GRID2: variants seen among roughly 807,000 people sequenced by gnomAD.
The protein encoded by GRID2 is glutamate ionotropic receptor delta type subunit 2.
A neutral mutation model predicts 114.8 loss-of-function variants in GRID2; 33 were observed. The ratio of observed to expected loss-of-function variants is 0.29; its 90% CI spans 0.22 to 0.38. GRID2 has a LOEUF of 0.38. GRID2 is among the 10% of genes least tolerant of loss of function. GRID2 has a pLI of 1.00. For missense variants in GRID2, 1,184 were observed against 1,257.7 expected (o/e 0.94, Z 0.89); for synonymous variants, 505 against 449.9 (o/e 1.12, Z -1.55).
In GRID2 at chr4:92,921,455, G is replaced by GT. The variant is rs145485030; in HGVS notation, c.245-163534dup. On this transcript the variant is annotated intron_variant, in intron 2 of 15. Transcript: ENST00000282020. ...TTTTAGAGTTTCCAGTTTTTCTGCT[G>GT]TTTTTTCCTCATCTTTGTGGTTTTA... 4.8e-3 allele frequency among the ~76,000 whole-genome samples: 734 copies of GT among 151,678 alleles called. 7 individuals carry two copies. The highest frequency in any genetic ancestry group is 8.0e-3 in the Non-Finnish European group (540 of 67,858).
intron 2 of GRID2, among the ~76,000 whole-genome samples, chr4:92,948,170 A>G (rs1164153105): frequency 6.6e-6 from 1 of 151,938 alleles, no homozygotes; most frequent in Admixed American, 6.6e-5. Context: ...TGCTTGTTAC[A>G]TAAATAGTCT....
intron 2 of GRID2, among the ~76,000 whole-genome samples, chr4:92,873,903 G>A (rs534384725): frequency 2.6e-5 from 4 of 152,012 alleles, no homozygotes; most frequent in Admixed American, 6.6e-5. Flanking sequence ...TAGTAGAGAC[G>A]GGGTTTCACC....
chr4:93,570,048 A>T (rs1278012979), intron 13 of GRID2, among the ~76,000 whole-genome samples: 1 of 152,214 alleles, frequency 6.6e-6, no homozygotes, highest in Non-Finnish European at 1.5e-5. Context: ...GGACCTTGTG[A>T]AATGTATCAT....
chr4:92,827,934 A>C (rs1198897754), intron 2 of GRID2, among the ~76,000 whole-genome samples: 1 of 152,086 alleles, frequency 6.6e-6, no homozygotes, highest in Non-Finnish European at 1.5e-5. Flanking sequence ...CAATTTTGAT[A>C]GTTAACTTGA....
chr4:92,571,608 T>A (rs1224679059), intron 1 of GRID2, among the ~76,000 whole-genome samples: 1 of 152,088 alleles, frequency 6.6e-6, no homozygotes, highest in Non-Finnish European at 1.5e-5. Flanking sequence ...CCGCACTTAT[T>A]CCAAAATTGA....
intron 8 of GRID2, among the ~76,000 whole-genome samples, chr4:93,275,451 C>T (rs1263528776): frequency 1.4e-5 from 2 of 141,574 alleles, no homozygotes; most frequent in Non-Finnish European, 1.5e-5. Flanking sequence ...TATATATATA[C>T]CTAGGAATAG....
At chr4:92,486,709 A>G (rs921642366) in intron 1 of GRID2, among the ~76,000 whole-genome samples, 7 of 152,048 alleles carry the variant, frequency 4.6e-5, no homozygotes, top group African/African-American at 1.7e-4. Flanking sequence ...AATATCCAAA[A>G]TATATAAGAA....
intron 2 of GRID2, among the ~76,000 whole-genome samples, chr4:92,872,324 A>G (rs915663004): frequency 1.3e-5 from 2 of 152,186 alleles, no homozygotes; most frequent in Non-Finnish European, 2.9e-5. Flanking sequence ...AATTAGTTAA[A>G]CTGAAAACTT....
chr4:93,331,983 C>A (rs1758513001), intron 8 of GRID2, among the ~76,000 whole-genome samples: 1 of 152,014 alleles, frequency 6.6e-6, no homozygotes, highest in Non-Finnish European at 1.5e-5. Context: ...AGAGTCAGAG[C>A]TCGATACTTA....
chr4:92,407,284 A>T (rs1731076647), intron 1 of GRID2, among the ~76,000 whole-genome samples: 1 of 152,132 alleles, frequency 6.6e-6, no homozygotes. Flanking sequence ...ATCACTACAT[A>T]ATATTCCATG....
chr4:93,295,603 C>T (rs936963103), intron 8 of GRID2, among the ~76,000 whole-genome samples: 10 of 152,002 alleles, frequency 6.6e-5, no homozygotes, highest in Non-Finnish European at 1.5e-4. Context: ...CCTCCTCCTC[C>T]TCTCCCCGCT....
intron 2 of GRID2, among the ~76,000 whole-genome samples, chr4:93,036,312 A>T (rs1320237626): frequency 6.6e-6 from 1 of 152,154 alleles, no homozygotes; most frequent in Non-Finnish European, 1.5e-5. Context: ...ATAGTATTAA[A>T]AATGAGCATT....
intron 1 of GRID2, among the ~76,000 whole-genome samples, chr4:92,370,334 T>G (rs1729060801): frequency 6.6e-6 from 1 of 152,100 alleles, no homozygotes; most frequent in Non-Finnish European, 1.5e-5. Context: ...TTCTCCTTAG[T>G]CCTTGAGAGA....
At chr4:92,725,579 T>C (rs933577986) in intron 2 of GRID2, among the ~76,000 whole-genome samples, 2 of 152,184 alleles carry the variant, frequency 1.3e-5, no homozygotes, top group Non-Finnish European at 2.9e-5. Flanking sequence ...ATTTTAGATC[T>C]TATTTTGTCA....
At chr4:93,581,724 A>ATATCCTGCATATCTCTATCAGGATATCTC (rs1423210529) in intron 13 of GRID2, among the ~76,000 whole-genome samples, 1 of 152,116 alleles carries the variant, frequency 6.6e-6, no homozygotes. Context: ...TTTCACTGAA[A>ATATCCTGCATATCTCTATCAGGATATCTC]TATCCTGCAT....
chr4:92,520,100 C>T (rs1185861364), intron 1 of GRID2, among the ~76,000 whole-genome samples: 1 of 151,762 alleles, frequency 6.6e-6, no homozygotes, highest in Non-Finnish European at 1.5e-5. Context: ...ATATGCAACT[C>T]CTTAAGTCAT....
At chr4:93,750,798 TTTTA>T (rs1417976341) in intron 14 of GRID2, among the ~76,000 whole-genome samples, 1 of 152,076 alleles carries the variant, frequency 6.6e-6, no homozygotes, top group Non-Finnish European at 1.5e-5. Flanking sequence ...TCGAGACACA[TTTTA>T]TAAGAGTTAG....
chr4:92,912,005 T>A (rs902368507), intron 2 of GRID2, among the ~76,000 whole-genome samples: 1 of 151,852 alleles, frequency 6.6e-6, no homozygotes, highest in Non-Finnish European at 1.5e-5. Flanking sequence ...TTGGCCCATA[T>A]TTTATATTTG....
At chr4:92,445,745 G>T (rs970796449) in intron 1 of GRID2, among the ~76,000 whole-genome samples, 1 of 152,090 alleles carries the variant, frequency 6.6e-6, no homozygotes, top group Admixed American at 6.6e-5. Flanking sequence ...TTCTATCTTA[G>T]GTAGGCTGCA....
Sources: allele counts gnomAD v4.1 joint callset (sites outside exome capture counted in the v4.1 genomes callset), GRCh38; gene constraint gnomAD v4.1.1; transcripts MANE v1.5; gene names NCBI Gene and HGNC (gene_info 2026-07-23, HGNC 2026-07-21).